Variants in ODR4 observed in about 807,000 individuals in gnomAD.
ODR4 encodes the protein protein odr-4 homolog.
A neutral mutation model predicts 60.2 loss-of-function variants in ODR4; 47 were observed. The observed-to-expected ratio is 0.78, with a 90% CI of 0.62 to 1.00. The LOEUF (loss-of-function observed/expected upper bound fraction) is 1.00, where lower values mean the gene tolerates loss of function less well. Among genes scored for constraint, ODR4 ranks in the 50% least tolerant of loss-of-function variants. The pLI, the probability that ODR4 is intolerant of heterozygous loss-of-function variation, is 0.00. For synonymous variants in ODR4, 178 were observed against 175.5 expected (o/e 1.01, Z -0.11); for missense variants, 488 against 530.8 (o/e 0.92, Z 0.79).
At chr1:186,413,297 A>G (rs1461767445) in intron 12 of ODR4, among the ~76,000 whole-genome samples, 1 of 152,060 alleles carries the variant, frequency 6.6e-6, no homozygotes, top group African/African-American at 2.4e-5. Flanking sequence ...AAAAAAAATC[A>G]TTTCAGGTAA....
In ODR4 at chr1:186,398,315, C is replaced by T. The variant is rs778191045; in HGVS notation, c.783C>T (p.Leu261=). The change falls in exon 10 of 14, where the codon CTC becomes CTT. Residue 261 remains leucine (L), a splice_region_variant and synonymous_variant. Coordinates refer to ENST00000287859, the MANE Select transcript of ODR4 (RefSeq NM_017847.6). ...CTTAAACAGATTTTGTCTTTCAGCT[C>T]CTGAATTCAGACCACAGATCCACAG... ...SFDVRVLTQL[L]LNSDHRSTAT... 9 of 1,582,188 alleles carry T rather than the reference C, an allele frequency of 5.7e-6. No individual in the cohort carries two copies. The highest frequency in any genetic ancestry group is 1.8e-5 in the Admixed American group (1 of 55,198).
the ODR4 span, among the ~76,000 whole-genome samples, chr1:186,431,513 C>T: frequency 1.3e-5 from 2 of 151,638 alleles, no homozygotes; most frequent in African/African-American, 4.8e-5. Context: ...ATGATGGCCA[C>T]AAAACTTAAG....
At chr1:186,400,155 C>G (rs1433368293) in intron 11 of ODR4, among the ~76,000 whole-genome samples, 1 of 150,926 alleles carries the variant, frequency 6.6e-6, no homozygotes, top group Non-Finnish European at 1.5e-5. Context: ...CCATGCCCGG[C>G]TAATTTTTGT....
intron 9 of ODR4, among the ~76,000 whole-genome samples, chr1:186,397,101 A>G (rs1167851888): frequency 6.6e-6 from 1 of 152,220 alleles, no homozygotes; most frequent in Non-Finnish European, 1.5e-5. Context: ...TTTGTCAACA[A>G]GTCCTTGACC....
chr1:186,433,777 G>A, the ODR4 span, among the ~76,000 whole-genome samples: 4 of 151,820 alleles, frequency 2.6e-5, no homozygotes, highest in Non-Finnish European at 5.9e-5. Context: ...GACGGGTTTC[G>A]CCATGTTGCC....
At chr1:186,414,223 C>G (rs1191550509) in intron 12 of ODR4, among the ~76,000 whole-genome samples, 1 of 151,976 alleles carries the variant, frequency 6.6e-6, no homozygotes, top group Non-Finnish European at 1.5e-5. Context: ...TTGTATCAAA[C>G]CTCATGATTT....
chr1:186,397,036 A>G (rs1273051740), intron 9 of ODR4, among the ~76,000 whole-genome samples: 1 of 152,162 alleles, frequency 6.6e-6, no homozygotes, highest in Non-Finnish European at 1.5e-5. Flanking sequence ...GTTTGATGAT[A>G]GCCATTTTTG....
At chr1:186,391,611 T>C in intron 7 of ODR4, 85 bp from the exon 8 acceptor site, 1 of 832,544 alleles carries the variant, frequency 1.2e-6, no homozygotes, top group East Asian at 2.7e-5. Flanking sequence ...TATTTCAATT[T>C]ATTAGGTGGA....
Position 186,419,842 on chromosome 1 carries a change from C to T in ODR4, c.*766C>T, listed in dbSNP as rs1246878964. On this transcript the variant is annotated 3_prime_UTR_variant, in exon 14 of 14. Coordinates refer to ENST00000287859, the MANE Select transcript of ODR4 (RefSeq NM_017847.6). ...ACAACAACTTTAGGATAAGTTCATCCTCTAGGAGCTTTCTAATGTGCACTC... is the reference window on the plus strand; with the variant it reads ...ACAACAACTTTAGGATAAGTTCATCTTCTAGGAGCTTTCTAATGTGCACTC... 1 of 152,100 alleles carries T rather than the reference C, an allele frequency of 6.6e-6. No individual in the cohort carries two copies. The highest frequency in any genetic ancestry group is 1.5e-5 in the Non-Finnish European group (1 of 68,020). The allele number at this position is 152,100 out of a possible 1,614,324, so 9.4% of individuals were successfully genotyped here.
intron 9 of ODR4, 106 bp downstream of exon 9, chr1:186,394,121 A>G: frequency 1.5e-6 from 1 of 675,822 alleles, no homozygotes; most frequent in Admixed American, 3.3e-5. Flanking sequence ...TTAGAGCTGT[A>G]AGAGACTGTA....
chr1:186,397,697 T>A (rs1660757345), intron 9 of ODR4, among the ~76,000 whole-genome samples: 1 of 152,206 alleles, frequency 6.6e-6, no homozygotes, highest in South Asian at 2.1e-4. Flanking sequence ...TGTAGTACTT[T>A]AACTATTTTG....
chr1:186,384,853 G>T (rs562080500), intron 3 of ODR4, among the ~76,000 whole-genome samples: 3 of 152,094 alleles, frequency 2.0e-5, no homozygotes, highest in South Asian at 2.1e-4. Flanking sequence ...AAGACATAGT[G>T]CAAGTAGATT....
At chr1:186,409,325 TA>T (rs2102078502) in intron 12 of ODR4, among the ~76,000 whole-genome samples, 1 of 152,332 alleles carries the variant, frequency 6.6e-6, no homozygotes, top group African/African-American at 2.4e-5. Flanking sequence ...ATGAAACCGT[TA>T]CATGTGCATT....
chr1:186,411,740 A>G, intron 12 of ODR4: 1 of 298,688 alleles, frequency 3.3e-6, no homozygotes, highest in Non-Finnish European at 4.9e-6. Flanking sequence ...TAATATTAAA[A>G]CTTAGTTATA....
At chr1:186,396,371 G>A (rs1321713159) in intron 9 of ODR4, among the ~76,000 whole-genome samples, 1 of 152,170 alleles carries the variant, frequency 6.6e-6, no homozygotes, top group African/African-American at 2.4e-5. Flanking sequence ...CACTTTGGGA[G>A]GCCTAGGCAG....
Position 186,419,222 on chromosome 1 carries a change from A to G in ODR4, c.*146A>G, listed in dbSNP as rs1369068335. Reference sequence around the variant, plus strand: ...CCTATTTGGTGTGTTTCTGATTAAAATGAAATCACAAGCTGCCTTGTTTAG... The same window carrying G: ...CCTATTTGGTGTGTTTCTGATTAAAGTGAAATCACAAGCTGCCTTGTTTAG... On this transcript the variant is annotated 3_prime_UTR_variant, in exon 14 of 14. Transcript: ENST00000287859. 4.1e-6 allele frequency: 3 copies of G among 723,016 alleles called. No individual in the cohort carries two copies. The highest frequency in any genetic ancestry group is 3.5e-5 in the African/African-American group (2 of 56,578). 44.8% of individuals were successfully genotyped at this position (723,016 alleles called of 1,614,324 possible).
chr1:186,385,982 T>C lies in ODR4; in HGVS notation c.235-6T>C. On this transcript the variant is annotated splice_region_variant and splice_polypyrimidine_tract_variant and intron_variant, in intron 3 of 13. Coordinates refer to ENST00000287859, the MANE Select transcript of ODR4 (RefSeq NM_017847.6). ...TTGTTAGCTAATAATATATTTCTAT[T>C]TTTAGGTATCCAGAATGCTACCAGG... 6.5e-7 allele frequency: 1 copy of C among 1,538,370 alleles called. No individual in the cohort carries two copies. Among genetic ancestry groups the C allele is most frequent in the South Asian group, 1.2e-5 (1 of 86,788 alleles).
intron 12 of ODR4, among the ~76,000 whole-genome samples, chr1:186,413,192 C>G (rs1661436170): frequency 6.6e-6 from 1 of 151,676 alleles, no homozygotes; most frequent in East Asian, 1.9e-4. Flanking sequence ...ACATGATGCT[C>G]AAAGGAAATA....
chr1:186,434,129 G>A, the ODR4 span, among the ~76,000 whole-genome samples: 1 of 147,192 alleles, frequency 6.8e-6, no homozygotes. Context: ...CCATTTTATA[G>A]TTATGTAATA....
Sources: gnomAD v4.1 joint callset for allele counts (sites outside exome capture counted in the v4.1 genomes callset) on GRCh38, gnomAD v4.1.1 for gene constraint, MANE v1.5 for transcripts, NCBI Gene and HGNC (gene_info 2026-07-23, HGNC 2026-07-21) for gene names.